Variants in FSTL4 observed in about 807,000 individuals in gnomAD.
The protein encoded by FSTL4 is follistatin-related protein 4.
A neutral mutation model predicts 78.2 loss-of-function variants in FSTL4; 28 were observed. That is an observed-to-expected ratio of 0.36 (90% CI 0.27 to 0.49). The LOEUF (loss-of-function observed/expected upper bound fraction) is 0.49. FSTL4 is among the 20% of genes least tolerant of loss of function. The probability of loss-of-function intolerance (pLI) is 0.98; values close to 1 mark genes in which losing one functional copy is unlikely to be tolerated. For missense variants in FSTL4, 922 were observed against 1,084.9 expected, an observed-to-expected ratio of 0.85 and a Z score of 2.11; for synonymous variants, 422 against 440.5, an observed-to-expected ratio of 0.96 and a Z score of 0.53.
At chr5:133,579,356 G>A (rs1443171304) in intron 2 of FSTL4, among the ~76,000 whole-genome samples, 3 of 152,194 alleles carry the variant, frequency 2.0e-5, no homozygotes, top group East Asian at 1.9e-4. Flanking sequence ...GAAGCCTGAC[G>A]TGCTCTATTT....
chr5:133,225,672 T>C lies in FSTL4; in HGVS notation c.1163A>G (p.Gln388Arg), dbSNP rs1461333736. Residue 388 changes from glutamine (Q) to arginine (R), a missense_variant, in exon 9 of 16, where the codon CAG (glutamine) becomes CGG (arginine). Gln to Arg is a conservative substitution (Grantham distance 43, BLOSUM62 1). Transcript: ENST00000265342. The surrounding 1 kb of genome is among the most constrained non-coding windows in gnomAD (Gnocchi z 4.6). ...GVDVSTQMSK[Q>R]LSLLANGSEL... is the part of the protein sequence containing the mutation. ...GCAGTTCTTACCTAAAAGGGAGAGC[T>C]GTTTGGACATCTGAGTTGAGACATC... The C allele has an allele frequency of 8.1e-6, 13 of 1,599,386 alleles. No individual in the cohort carries two copies. Among genetic ancestry groups the C allele is most frequent in the Non-Finnish European group, 1.1e-5 (13 of 1,173,016 alleles).
At chr5:133,362,895 C>T (rs577318819) in intron 4 of FSTL4, among the ~76,000 whole-genome samples, 4 of 152,314 alleles carry the variant, frequency 2.6e-5, no homozygotes, top group Admixed American at 1.3e-4. Flanking sequence ...TTAAATCACT[C>T]ATTTTAAAAT....
At chr5:133,817,975 G>A in the FSTL4 span, among the ~76,000 whole-genome samples, 1 of 152,208 alleles carries the variant, frequency 6.6e-6, no homozygotes, top group African/African-American at 2.4e-5. Flanking sequence ...AGTAGAATCT[G>A]GATTCAAACC....
chr5:133,815,706 T>C, the FSTL4 span, among the ~76,000 whole-genome samples: 3 of 152,182 alleles, frequency 2.0e-5, no homozygotes, highest in Non-Finnish European at 4.4e-5. Context: ...TTAAATATTT[T>C]CCCCCAAGTG....
chr5:133,735,272 G>A, the FSTL4 span, among the ~76,000 whole-genome samples: 1 of 152,192 alleles, frequency 6.6e-6, no homozygotes. Context: ...AGACCAGCCT[G>A]GCCAACACGG....
At chr5:133,340,052 G>C (rs1345975107) in intron 4 of FSTL4, among the ~76,000 whole-genome samples, 1 of 152,110 alleles carries the variant, frequency 6.6e-6, no homozygotes, top group Non-Finnish European at 1.5e-5. Context: ...GTGGGGTGCT[G>C]TTTCCCCCCA....
chr5:133,767,500 A>AT, the FSTL4 span, among the ~76,000 whole-genome samples: 1 of 152,224 alleles, frequency 6.6e-6, no homozygotes, highest in African/African-American at 2.4e-5. Flanking sequence ...CCTTGAATGC[A>AT]TCTATGCTAG....
intron 3 of FSTL4, among the ~76,000 whole-genome samples, chr5:133,469,494 G>A (rs1757775786): frequency 6.6e-6 from 1 of 152,240 alleles, no homozygotes; most frequent in Non-Finnish European, 1.5e-5. Flanking sequence ...GACTGGAGGA[G>A]ATGCAGATAG....
At chr5:133,805,055 T>C in the FSTL4 span, among the ~76,000 whole-genome samples, 2 of 151,712 alleles carry the variant, frequency 1.3e-5, no homozygotes, top group Non-Finnish European at 2.9e-5. Flanking sequence ...ACTGCCTCCT[T>C]GGTTTCTTAA....
At chr5:133,232,538 C>G (rs1025876748) in intron 8 of FSTL4, among the ~76,000 whole-genome samples, 1 of 152,182 alleles carries the variant, frequency 6.6e-6, no homozygotes, top group African/African-American at 2.4e-5. Context: ...CCGTATCTAC[C>G]CTACCTTGGA....
At chr5:133,341,563 C>T (rs1754582872) in intron 4 of FSTL4, among the ~76,000 whole-genome samples, 1 of 152,084 alleles carries the variant, frequency 6.6e-6, no homozygotes, top group African/African-American at 2.4e-5. Context: ...GGAACCCTTC[C>T]CCCTCTCTGT....
intron 3 of FSTL4, among the ~76,000 whole-genome samples, chr5:133,548,882 T>C (rs1418217536): frequency 6.6e-6 from 1 of 152,070 alleles, no homozygotes; most frequent in African/African-American, 2.4e-5. Context: ...TTGTGGAACA[T>C]GGTTAATAGG....
At chr5:133,821,777 G>T in the FSTL4 span, among the ~76,000 whole-genome samples, 1 of 152,130 alleles carries the variant, frequency 6.6e-6, no homozygotes, top group Non-Finnish European at 1.5e-5. Context: ...TCTTGAGCAG[G>T]ATAATTATGA....
At chr5:133,242,428 A>C (rs1018380488) in intron 7 of FSTL4, among the ~76,000 whole-genome samples, 4 of 139,508 alleles carry the variant, frequency 2.9e-5, no homozygotes, top group African/African-American at 1.2e-4. Context: ...GGGTTCTGCA[A>C]TCAGGGTATA....
chr5:133,774,777 T>C, the FSTL4 span, among the ~76,000 whole-genome samples: 43 of 152,194 alleles, frequency 2.8e-4, no homozygotes, highest in Admixed American at 2.7e-3. Flanking sequence ...TGCTATCTCA[T>C]AGAAAATCAC....
the FSTL4 span, among the ~76,000 whole-genome samples, chr5:133,664,045 C>CA: frequency 0.14 from 21,896 of 152,030 alleles, 2,044 homozygotes; most frequent in African/African-American, 0.26. Context: ...AGTGTGGGGG[C>CA]ACGCTGATTA....
the FSTL4 span, among the ~76,000 whole-genome samples, chr5:133,664,028 C>T: frequency 1.2e-4 from 18 of 149,388 alleles, no homozygotes; most frequent in African/African-American, 4.3e-4. Flanking sequence ...TGGGCTTGTA[C>T]TGTATGAGTG....
intron 3 of FSTL4, among the ~76,000 whole-genome samples, chr5:133,556,982 A>C (rs1299984962): frequency 6.6e-6 from 1 of 152,176 alleles, no homozygotes; most frequent in Non-Finnish European, 1.5e-5. Flanking sequence ...TAAAGTGCTA[A>C]AGAAAGGATG....
At chr5:133,228,214 A>G (rs1751391376) in intron 8 of FSTL4, among the ~76,000 whole-genome samples, 2 of 152,166 alleles carry the variant, frequency 1.3e-5, no homozygotes, top group Non-Finnish European at 2.9e-5. Flanking sequence ...GTGACAGAGC[A>G]AGAACCTCTC....
Sources: allele counts gnomAD v4.1 joint callset (sites outside exome capture counted in the v4.1 genomes callset), GRCh38; gene constraint gnomAD v4.1.1; non-coding constraint Gnocchi (gnomAD v3.1); transcripts MANE v1.5; gene names NCBI Gene and HGNC (gene_info 2026-07-23, HGNC 2026-07-21).